The following ZC3HAV1L variants were observed in gnomAD, a reference collection of about 807,000 sequenced individuals.
The protein encoded by ZC3HAV1L is zinc finger CCCH-type antiviral protein 1-like.
Under a neutral mutation model 28.2 loss-of-function variants are expected in ZC3HAV1L, and 23 were observed. That is an observed-to-expected ratio of 0.82 (90% CI 0.59 to 1.16). The LOEUF (loss-of-function observed/expected upper bound fraction) is 1.16, where lower values mean the gene tolerates loss of function less well. Among genes scored for constraint, ZC3HAV1L ranks in the 50% most tolerant of loss-of-function variants. ZC3HAV1L has a pLI of 0.00. For missense variants in ZC3HAV1L, 376 were observed against 387.7 expected (o/e 0.97, Z 0.25); for synonymous variants, 180 against 163.4 (o/e 1.10, Z -0.78).
intron 2 of ZC3HAV1L, among the ~76,000 whole-genome samples, chr7:139,033,610 C>T (rs895543047): frequency 1.3e-5 from 2 of 152,122 alleles, no homozygotes; most frequent in African/African-American, 4.8e-5. Flanking sequence ...GTGCAGCCAA[C>T]CCATCAGCTG....
At position 139,035,001 on chromosome 7, in the gene ZC3HAV1L, T is replaced by C. The variant is rs1185694483; in HGVS notation, c.366-323A>G. Reference sequence around the variant, plus strand: ...AACAGCTGCCACAGTCCACCAACGTTAAAAAGAAAGCGCCCCTATCCCCAG... The same window carrying C: ...AACAGCTGCCACAGTCCACCAACGTCAAAAAGAAAGCGCCCCTATCCCCAG... On this transcript the variant is annotated intron_variant, in intron 1 of 4. Transcript: ENST00000275766. The C allele has an allele frequency of 3.0e-6, 3 of 985,098 alleles. No homozygotes were observed. The African/African-American group carries it at 5.2e-5, about 17-fold the overall frequency. The allele number at this position is 985,098 out of a possible 1,614,324, so 61.0% of individuals were successfully genotyped here. A position where few individuals can be genotyped will look rare whatever the true frequency, so the allele number is the denominator to read the frequency against.
chr7:139,034,732 C>T (rs1815647035), intron 1 of ZC3HAV1L, 54 bp from the exon 2 acceptor site: 1 of 1,596,328 alleles, frequency 6.3e-7, no homozygotes, highest in Non-Finnish European at 8.5e-7. Flanking sequence ...ACCAGTCTGT[C>T]CAATTCCTTG....
At chr7:139,035,230 C>G in intron 1 of ZC3HAV1L, 1 of 985,422 alleles carries the variant, frequency 1.0e-6, no homozygotes, top group South Asian at 4.7e-5. Context: ...CGCTTCTGCA[C>G]AAGTGTGTGG....
Position 139,036,034 on chromosome 7 carries a change from C to T in ZC3HAV1L, c.-17G>A, listed in dbSNP as rs965665416. 4 of 1,481,260 alleles carry T rather than the reference C, an allele frequency of 2.7e-6. No individual in the cohort carries two copies. Among genetic ancestry groups the T allele is most frequent in the East Asian group, 2.8e-5 (1 of 35,334 alleles). 91.8% of individuals were successfully genotyped at this position (1,481,260 alleles called of 1,614,324 possible). On this transcript the variant is annotated 5_prime_UTR_variant, in exon 1 of 5. Coordinates refer to ENST00000275766, the MANE Select transcript of ZC3HAV1L (RefSeq NM_080660.4). ...CTCCGCCATGGTCGCTGGCGCGGGC[C>T]CTGTGCGCGCGGCGCAGCGAGCCGG...
At chr7:139,033,004 A>G (rs1563115727) in intron 2 of ZC3HAV1L, among the ~76,000 whole-genome samples, 2 of 152,116 alleles carry the variant, frequency 1.3e-5, no homozygotes, top group South Asian at 2.1e-4. Flanking sequence ...GGTCAGGCAT[A>G]TAAGACCAGC....
rs373451520 is a variant in ZC3HAV1L at position 139,026,132 on chromosome 7, CA to C, written c.*411del. 376 of 154,942 alleles carry C rather than the reference CA, an allele frequency of 2.4e-3. No individual in the cohort carries two copies. Among genetic ancestry groups the C allele is most frequent in the South Asian group, 4.1e-3 (26 of 6,310 alleles). The allele number at this position is 154,942 out of a possible 1,614,324, so 9.6% of individuals were successfully genotyped here. A position where few individuals can be genotyped will look rare whatever the true frequency, so the allele number is the denominator to read the frequency against. ...CCTGGGCAACAGAGCAAGACCATCT[CA>C]AAAAAAAAAACTGTTAGAAAAAGCC... On this transcript the variant is annotated 3_prime_UTR_variant, in exon 5 of 5. Transcript: ENST00000275766.
Position 139,035,841 on chromosome 7 carries a change from G to A in ZC3HAV1L, c.177C>T (p.Gly59=), listed in dbSNP as rs749982553. 3.3e-6 allele frequency: 5 copies of A among 1,495,412 alleles called. No individual in the cohort carries two copies. In the Admixed American group the frequency reaches 6.6e-5, roughly 20 times the overall value. 92.6% of individuals were successfully genotyped at this position (1,495,412 alleles called of 1,614,324 possible). ...FLLQEVETQE[G]LGDAEAEAAA... ...CCGCCTCGGCCTCCGCGTCCCCGAG[G>A]CCCTCCTGCGTCTCCACCTCCTGCA... is the stretch of plus-strand genomic sequence containing the variant. Residue 59 remains glycine (G), a synonymous_variant, in exon 1 of 5, where the codon GGC becomes GGT. Coordinates refer to ENST00000275766, the MANE Select transcript of ZC3HAV1L (RefSeq NM_080660.4).
At chr7:139,028,596 G>C (rs987064676) in intron 3 of ZC3HAV1L, 106 bp downstream of exon 3, 1 of 1,414,152 alleles carries the variant, frequency 7.1e-7, no homozygotes, top group African/African-American at 1.4e-5. Context: ...CATAGGAACT[G>C]CTTTGCCCCC....
In ZC3HAV1L at chr7:139,028,616, T is replaced by C. The variant is rs984186190; in HGVS notation, c.760+86A>G. The C allele has an allele frequency of 3.3e-6, 5 of 1,516,090 alleles. No individual in the cohort carries two copies. In the African/African-American group the frequency reaches 6.9e-5, roughly 21 times the overall value. 93.9% of individuals were successfully genotyped at this position (1,516,090 alleles called of 1,614,324 possible). A position where few individuals can be genotyped will look rare whatever the true frequency, so the allele number is the denominator to read the frequency against. On this transcript the variant is annotated intron_variant, in intron 3 of 4. Transcript: ENST00000275766. ...GAACTGCTTTGCCCCCAGACTCACT[T>C]TCATGTCACTGTTCTTACTTCTTCA... is the stretch of plus-strand genomic sequence containing the variant.
chr7:139,031,421 C>T (rs1815527844), intron 2 of ZC3HAV1L, among the ~76,000 whole-genome samples: 1 of 152,072 alleles, frequency 6.6e-6, no homozygotes, highest in Non-Finnish European at 1.5e-5. Context: ...CCTGTCTCTA[C>T]TAAAAACACA....
At chr7:139,028,588 T>G in intron 3 of ZC3HAV1L, 114 bp downstream of exon 3, 1 of 1,349,138 alleles carries the variant, frequency 7.4e-7, no homozygotes, top group Admixed American at 2.1e-5. Flanking sequence ...GAAATTAACA[T>G]AGGAACTGCT....
rs1815339842 is a variant in ZC3HAV1L at position 139,025,947 on chromosome 7, A to G, written c.*597T>C. 1 of 152,248 alleles carries G rather than the reference A, an allele frequency of 6.6e-6. No homozygotes were observed. The allele number at this position is 152,248 out of a possible 1,614,324, so 9.4% of individuals were successfully genotyped here. ...CAGGAGTTCAAGACTAGCCTGGGCA[A>G]CATGGCAAAATACCCTCTCTACAAA... is the stretch of plus-strand genomic sequence containing the variant. On this transcript the variant is annotated 3_prime_UTR_variant, in exon 5 of 5. Coordinates refer to ENST00000275766, the MANE Select transcript of ZC3HAV1L (RefSeq NM_080660.4).
Position 139,028,882 on chromosome 7 carries a change from A to G in ZC3HAV1L, c.580T>C (p.Cys194Arg). The change falls in exon 3 of 5, where the codon TGC (cysteine) becomes CGC (arginine). Residue 194 changes from cysteine to arginine, a missense_variant. Cys to Arg is a radical substitution (Grantham distance 180). Transcript: ENST00000275766. ...LKDKCNKFHV[C>R]KSFVKGECKL... Reference sequence around the variant, plus strand: ...CATTCTCCTTTCACAAAGGATTTGCACACATGAAACTTGTTGCATTTATCC... The same window carrying G: ...CATTCTCCTTTCACAAAGGATTTGCGCACATGAAACTTGTTGCATTTATCC... 1 of 1,614,244 alleles carries G rather than the reference A, an allele frequency of 6.2e-7. No homozygotes were observed. The highest frequency in any genetic ancestry group is 1.1e-5 in the South Asian group (1 of 91,088).
At chr7:139,032,760 T>C (rs749039235) in intron 2 of ZC3HAV1L, among the ~76,000 whole-genome samples, 32 of 152,082 alleles carry the variant, frequency 2.1e-4, no homozygotes, top group Non-Finnish European at 4.7e-4. Context: ...ATAATAGCCA[T>C]GTAAAGTAAT....
At chr7:139,023,365 T>TA (rs1199886220), downstream of ZC3HAV1L, among the ~76,000 whole-genome samples, 2 of 152,232 alleles carry the variant, frequency 1.3e-5, no homozygotes, top group East Asian at 3.9e-4. Context: ...GGCTTCTTTT[T>TA]AAAAAACTGG....
intron 3 of ZC3HAV1L, 57 bp downstream of exon 3, chr7:139,028,645 T>C (rs1815427993): frequency 6.4e-7 from 1 of 1,570,628 alleles, no homozygotes; most frequent in Non-Finnish European, 8.6e-7. Context: ...TTCTTCACAG[T>C]GAAGCATCGC....
At chr7:139,022,623 A>G (rs1815267648), downstream of ZC3HAV1L, among the ~76,000 whole-genome samples, 1 of 152,262 alleles carries the variant, frequency 6.6e-6, no homozygotes, top group Non-Finnish European at 1.5e-5. Flanking sequence ...ACAAAGTATA[A>G]TCCATTATAT....
downstream of ZC3HAV1L, among the ~76,000 whole-genome samples, chr7:139,021,735 T>G (rs1417708434): frequency 6.6e-6 from 1 of 152,058 alleles, no homozygotes; most frequent in African/African-American, 2.4e-5. Flanking sequence ...CAAACAAGAA[T>G]AGAAGATGTT....
chr7:139,022,735 T>C (rs1051732571), downstream of ZC3HAV1L, among the ~76,000 whole-genome samples: 17 of 152,212 alleles, frequency 1.1e-4, no homozygotes, highest in African/African-American at 3.6e-4. Context: ...GCACACAGCA[T>C]TGCAACATAA....
Sources: allele counts gnomAD v4.1 joint callset (sites outside exome capture counted in the v4.1 genomes callset), GRCh38; gene constraint gnomAD v4.1.1; transcripts MANE v1.5; gene names NCBI Gene and HGNC (gene_info 2026-07-23, HGNC 2026-07-21).